The following KALRN variants were observed in gnomAD, a reference collection of about 807,000 sequenced individuals.
KALRN encodes kalirin RhoGEF kinase, also known as kalirin.
A neutral mutation model predicts 353.7 loss-of-function variants in KALRN; 70 were observed. The observed-to-expected ratio is 0.20, with a 90% CI of 0.16 to 0.24. The LOEUF is 0.24. KALRN is among the 10% of genes least tolerant of loss of function. KALRN has a pLI of 1.00. For synonymous variants in KALRN, 1,391 were observed against 1,434.8 expected, an observed-to-expected ratio of 0.97 and a Z score of 0.69; for missense variants, 2,791 against 3,756.7, an observed-to-expected ratio of 0.74 and a Z score of 6.72.
intron 55 of KALRN, among the ~76,000 whole-genome samples, chr3:124,698,586 G>A (rs1266271020): frequency 4.6e-5 from 7 of 152,162 alleles, no homozygotes; most frequent in Admixed American, 1.3e-4. Context: ...AGAGTGGGAG[G>A]CTGAGGCCTA....
chr3:124,494,053 G>A (rs2063458303), intron 32 of KALRN, among the ~76,000 whole-genome samples: 1 of 152,238 alleles, frequency 6.6e-6, no homozygotes, highest in African/African-American at 2.4e-5. Flanking sequence ...CATAGTGAAA[G>A]AGGATACTCA....
At chr3:124,589,865 C>T (rs1282057943) in intron 34 of KALRN, among the ~76,000 whole-genome samples, 1 of 152,092 alleles carries the variant, frequency 6.6e-6, no homozygotes, top group Non-Finnish European at 1.5e-5. Context: ...CCATGGGTTT[C>T]GCATCCCACA....
intron 32 of KALRN, among the ~76,000 whole-genome samples, chr3:124,494,364 C>G: frequency 6.6e-6 from 1 of 152,218 alleles, no homozygotes; most frequent in Middle Eastern, 3.2e-3. Context: ...CACATCCCCC[C>G]AGAAGTGGCT....
At chr3:124,401,642 A>G (rs930749331) in intron 13 of KALRN, among the ~76,000 whole-genome samples, 1 of 152,182 alleles carries the variant, frequency 6.6e-6, no homozygotes, top group Non-Finnish European at 1.5e-5. Context: ...GCCTCATAAA[A>G]TGAGGGAGAG....
chr3:124,260,094 C>G (rs1421553957), intron 3 of KALRN, among the ~76,000 whole-genome samples: 1 of 152,196 alleles, frequency 6.6e-6, no homozygotes, highest in East Asian at 1.9e-4. Context: ...TGCATCCACT[C>G]CAGTCTCGTC....
intron 5 of KALRN, among the ~76,000 whole-genome samples, chr3:124,295,923 G>A (rs1431810393): frequency 1.3e-5 from 2 of 152,198 alleles, no homozygotes; most frequent in Non-Finnish European, 2.9e-5. Flanking sequence ...GAGGGTAGCT[G>A]AGGCTGGAGG....
At chr3:124,338,975 G>C (rs2081406424) in intron 9 of KALRN, among the ~76,000 whole-genome samples, 1 of 152,198 alleles carries the variant, frequency 6.6e-6, no homozygotes. Flanking sequence ...GGGCAGAGTG[G>C]AGGGCTTTTT....
intron 4 of KALRN, among the ~76,000 whole-genome samples, chr3:124,265,820 A>G (rs1410042583): frequency 6.6e-6 from 1 of 152,198 alleles, no homozygotes; most frequent in Non-Finnish European, 1.5e-5. Flanking sequence ...ACATTAATCC[A>G]CAAATACTGG....
chr3:124,462,580 T>A lies in KALRN; in HGVS notation c.3978T>A (p.Asn1326Lys), dbSNP rs1055464623. The A allele has an allele frequency of 6.2e-6, 10 of 1,612,876 alleles. No individual in the cohort carries two copies. The highest frequency in any genetic ancestry group is 1.3e-5 in the African/African-American group (1 of 74,890). Reference sequence around the variant, plus strand: ...AGGAGATCCCCCCTGGGATCCTCAATAAAGAGCATATCATCTTTGGCAACA... The same window carrying A: ...AGGAGATCCCCCCTGGGATCCTCAAAAAAGAGCATATCATCTTTGGCAACA... The part of the protein sequence containing the change: ...GVEEIPPGIL[N>K]KEHIIFGNIQ... The change falls in exon 25 of 60, where the codon AAT (asparagine) becomes AAA (lysine). Residue 1326 changes from asparagine (N) to lysine (K), a missense_variant. Physicochemically the swap from Asn to Lys is moderately conservative, Grantham distance 94. Around this residue, in one of 11 missense-constraint regions of KALRN, gnomAD observed 268 missense variants for 347.0 expected, o/e 0.77. Transcript: ENST00000682506.
chr3:124,100,391 G>T (rs1340287727), intron 1 of KALRN: 2 of 152,070 alleles, frequency 1.3e-5, no homozygotes, highest in Non-Finnish European at 2.9e-5. Flanking sequence ...TTCAACAAGG[G>T]TGCCAAGAAC....
At chr3:124,601,832 C>T (rs13096817) in intron 34 of KALRN, among the ~76,000 whole-genome samples, 21,559 of 151,294 alleles carry the variant, frequency 0.14, 1,864 homozygotes, top group Middle Eastern at 0.21. Context: ...GTGTTTGAGA[C>T]CAGCCTAGGC....
At chr3:124,284,106 G>A (rs902031940) in intron 5 of KALRN, among the ~76,000 whole-genome samples, 4 of 152,202 alleles carry the variant, frequency 2.6e-5, no homozygotes, top group Non-Finnish European at 4.4e-5. Context: ...ACCATCAGTT[G>A]GTGAGAAGTC....
intron 1 of KALRN, among the ~76,000 whole-genome samples, chr3:124,214,711 T>A (rs1473930143): frequency 6.6e-6 from 1 of 152,220 alleles, no homozygotes; most frequent in African/African-American, 2.4e-5. Flanking sequence ...GATTTTAGGA[T>A]CCAACTCACT....
intron 1 of KALRN, among the ~76,000 whole-genome samples, chr3:124,091,446 T>G (rs773542304): frequency 2.0e-5 from 3 of 152,142 alleles, no homozygotes; most frequent in Non-Finnish European, 4.4e-5. Context: ...GGATCTCTCC[T>G]CCCTCCGTGC....
intron 3 of KALRN, among the ~76,000 whole-genome samples, chr3:124,249,565 G>A (rs1320576502): frequency 6.6e-6 from 1 of 152,118 alleles, no homozygotes; most frequent in African/African-American, 2.4e-5. Flanking sequence ...TGAGCTTGCT[G>A]CAATCATACA....
At chr3:124,589,621 A>C (rs2075570776) in intron 34 of KALRN, among the ~76,000 whole-genome samples, 1 of 152,198 alleles carries the variant, frequency 6.6e-6, no homozygotes, top group South Asian at 2.1e-4. Context: ...AAAATTCACC[A>C]TCCAGGGGAT....
Position 124,603,802 on chromosome 3 carries a change from G to T in KALRN, c.5183-28618G>T, listed in dbSNP as rs570422737. Among the ~76,000 whole-genome samples, 7 of 152,244 alleles carry T rather than the reference G, an allele frequency of 4.6e-5. No homozygotes were observed. The South Asian group carries it at 1.2e-3, about 27-fold the overall frequency. On this transcript the variant is annotated intron_variant, in intron 34 of 59. Transcript: ENST00000682506. Reference sequence around the variant, plus strand: ...GTTGCCTCATTTTGACTTTGAACTTGATGGGGGCAAAAGGGGGAGAATGAA... The same window carrying T: ...GTTGCCTCATTTTGACTTTGAACTTTATGGGGGCAAAAGGGGGAGAATGAA...
At chr3:124,397,698 C>A (rs367688491) in intron 12 of KALRN, among the ~76,000 whole-genome samples, 28 of 152,286 alleles carry the variant, frequency 1.8e-4, no homozygotes, top group African/African-American at 5.5e-4. Flanking sequence ...TCTCGGCTTC[C>A]CTCTATAAGG....
chr3:124,487,847 TA>T (rs1169063285), intron 28 of KALRN, among the ~76,000 whole-genome samples: 1 of 152,184 alleles, frequency 6.6e-6, no homozygotes, highest in Non-Finnish European at 1.5e-5. Context: ...TTATTCTCTT[TA>T]TTGGATTATA....
Sources: allele counts gnomAD v4.1 joint callset (sites outside exome capture counted in the v4.1 genomes callset), GRCh38; gene constraint gnomAD v4.1.1; regional missense constraint gnomAD v4.1.1; transcripts MANE v1.5; gene names NCBI Gene and HGNC (gene_info 2026-07-23, HGNC 2026-07-21).